The following CENPP variants were observed in gnomAD, a reference collection of about 807,000 sequenced individuals.
CENPP encodes the protein centromere protein P.
In CENPP, 24 loss-of-function variants were observed where a neutral mutation model predicts 35.6. That is an observed-to-expected ratio of 0.67 (90% confidence interval 0.49 to 0.95). The LOEUF (loss-of-function observed/expected upper bound fraction) is 0.95, where lower values mean the gene tolerates loss of function less well. CENPP is among the 40% of genes least tolerant of loss of function. The probability of loss-of-function intolerance (pLI) is 0.00; values close to 1 mark genes in which losing one functional copy is unlikely to be tolerated. For missense variants in CENPP, 332 were observed against 345.3 expected (o/e 0.96, Z 0.31); for synonymous variants, 120 against 125.5 (o/e 0.96, Z 0.29).
intron 5 of CENPP, among the ~76,000 whole-genome samples, chr9:92,448,162 T>A (rs1028601085): frequency 5.3e-5 from 8 of 152,316 alleles, no homozygotes; most frequent in Non-Finnish European, 8.8e-5. Context: ...AAATGAAGAC[T>A]GCAGCATTGT....
chr9:92,387,394 T>G (rs1031287973), intron 5 of CENPP, among the ~76,000 whole-genome samples: 2 of 149,438 alleles, frequency 1.3e-5, no homozygotes, highest in Non-Finnish European at 3.0e-5. Flanking sequence ...AAAAAAAAAA[T>G]GTGTTCTTAG....
intron 5 of CENPP, among the ~76,000 whole-genome samples, chr9:92,565,903 A>G (rs1257544715): frequency 6.6e-6 from 1 of 152,202 alleles, no homozygotes; most frequent in African/African-American, 2.4e-5. Context: ...AATAAAAATA[A>G]TAATAATAAA....
rs377550845 is a variant in CENPP, at chr9:92,596,429, T to C, written c.565-14885T>C. On this transcript the variant is annotated intron_variant, in intron 5 of 7. Transcript: ENST00000375587. ...GAGTTCAAGGCCAGCCTAGGCAACA[T>C]AGTAAGACCCTGTGTCAAAAAAAAA... Among the ~76,000 whole-genome samples the C allele has an allele frequency of 6.2e-5, 5 of 80,490 alleles. No homozygotes were observed. The East Asian group carries it at 1.7e-3, about 27-fold the overall frequency. The allele number at this position is 80,490 out of a possible 152,430, so 52.8% of individuals were successfully genotyped here. A position where few individuals can be genotyped will look rare whatever the true frequency, so the allele number is the denominator to read the frequency against.
chr9:92,599,552 G>A (rs1359680868), intron 5 of CENPP, among the ~76,000 whole-genome samples: 1 of 152,066 alleles, frequency 6.6e-6, no homozygotes, highest in Admixed American at 6.6e-5. Context: ...GAATAGCTGG[G>A]ACTACAGGCT....
At chr9:92,369,461 G>A (rs1422298480) in intron 4 of CENPP, among the ~76,000 whole-genome samples, 3 of 152,188 alleles carry the variant, frequency 2.0e-5, no homozygotes, top group Non-Finnish European at 4.4e-5. Context: ...GGTTGGAGGT[G>A]TGGATTCTGG....
At chr9:92,608,325 TCAATTCA>T (rs1473630185) in intron 5 of CENPP, among the ~76,000 whole-genome samples, 3 of 151,804 alleles carry the variant, frequency 2.0e-5, no homozygotes, top group African/African-American at 7.2e-5. Flanking sequence ...TTGATATTTT[TCAATTCA>T]CTTTTTTTGT....
At chr9:92,372,091 C>G (rs1588068247) in intron 4 of CENPP, among the ~76,000 whole-genome samples, 1 of 128,850 alleles carries the variant, frequency 7.8e-6, no homozygotes, top group East Asian at 2.4e-4. Flanking sequence ...AGCCACCATG[C>G]CAGCCATCTT....
At chr9:92,443,034 A>G (rs1378711445) in intron 5 of CENPP, among the ~76,000 whole-genome samples, 4 of 152,128 alleles carry the variant, frequency 2.6e-5, no homozygotes, top group Admixed American at 6.6e-5. Context: ...CATCACTCCT[A>G]TTCAGTTTTA....
chr9:92,336,714 T>C (rs966226469), intron 2 of CENPP, among the ~76,000 whole-genome samples: 4 of 152,236 alleles, frequency 2.6e-5, no homozygotes, highest in African/African-American at 9.6e-5. Flanking sequence ...TTATAGGTTC[T>C]GTAAAATTCC....
chr9:92,479,265 C>T (rs1845826820), intron 5 of CENPP, among the ~76,000 whole-genome samples: 1 of 152,174 alleles, frequency 6.6e-6, no homozygotes, highest in Non-Finnish European at 1.5e-5. Context: ...GGGCCCCTTC[C>T]TTTGTCTCTC....
chr9:92,609,374 C>T (rs896623719), intron 5 of CENPP, among the ~76,000 whole-genome samples: 1 of 152,236 alleles, frequency 6.6e-6, no homozygotes, highest in African/African-American at 2.4e-5. Flanking sequence ...TGGTTCAATC[C>T]GGCAAGTCTC....
At chr9:92,407,282 G>A (rs1044220668) in intron 5 of CENPP, among the ~76,000 whole-genome samples, 1 of 152,076 alleles carries the variant, frequency 6.6e-6, no homozygotes, top group Admixed American at 6.6e-5. Flanking sequence ...CCTACATCAC[G>A]TGGTTGGTCT....
rs188365628 is a variant in CENPP at position 92,379,958 on chromosome 9, C to T, written c.564+99C>T. The T allele has an allele frequency of 2.3e-4, 177 of 762,526 alleles. No homozygotes were observed. The African/African-American group carries it at 2.8e-3, about 12-fold the overall frequency. 47.2% of individuals were successfully genotyped at this position (762,526 alleles called of 1,614,324 possible). On this transcript the variant is annotated intron_variant, in intron 5 of 7. Coordinates refer to ENST00000375587, the MANE Select transcript of CENPP (RefSeq NM_001012267.3). ...CATCCTTTTCTTAAAAGCTTTCAAA[C>T]AGTAGAAAATATTCTCATTGACTTT...
intron 4 of CENPP, among the ~76,000 whole-genome samples, chr9:92,376,605 A>C (rs1337404340): frequency 6.6e-6 from 1 of 152,220 alleles, no homozygotes; most frequent in African/African-American, 2.4e-5. Flanking sequence ...GGCACAAAAA[A>C]TTGGTCAGAC....
At chr9:92,427,421 C>T (rs1262641729) in intron 5 of CENPP, among the ~76,000 whole-genome samples, 1 of 152,180 alleles carries the variant, frequency 6.6e-6, no homozygotes, top group Non-Finnish European at 1.5e-5. Context: ...CCTCAGCCTC[C>T]CAAAGTGCTG....
chr9:92,514,771 G>A (rs776249213), intron 5 of CENPP: 12 of 1,613,926 alleles, frequency 7.4e-6, no homozygotes, highest in African/African-American at 5.3e-5. Flanking sequence ...AGCAGGAAGC[G>A]GGGATCGAGA....
At chr9:92,600,220 G>C in intron 5 of CENPP, 2 of 1,255,956 alleles carry the variant, frequency 1.6e-6, no homozygotes, top group East Asian at 5.6e-5. Context: ...TTCCATACAA[G>C]AACAGAAGGG....
intron 4 of CENPP, among the ~76,000 whole-genome samples, chr9:92,367,992 T>C (rs986704902): frequency 6.6e-6 from 1 of 152,244 alleles, no homozygotes; most frequent in Admixed American, 6.5e-5. Context: ...TTGCTTTTTT[T>C]AAAAAGCTGG....
intron 5 of CENPP, among the ~76,000 whole-genome samples, chr9:92,561,727 G>T (rs977339992): frequency 6.6e-6 from 1 of 152,114 alleles, no homozygotes; most frequent in African/African-American, 2.4e-5. Flanking sequence ...ATGCTTACTG[G>T]CAGAATCAAA....
Sources: allele counts gnomAD v4.1 joint callset (sites outside exome capture counted in the v4.1 genomes callset), GRCh38; gene constraint gnomAD v4.1.1; transcripts MANE v1.5; gene names NCBI Gene and HGNC (gene_info 2026-07-23, HGNC 2026-07-21).